Variants in MYO1E observed in about 807,000 individuals in gnomAD.
MYO1E encodes the protein unconventional myosin-Ie.
MYO1E carries 68 observed loss-of-function variants against 151.1 expected under a neutral mutation model. The observed-to-expected ratio is 0.45, with a 90% confidence interval of 0.37 to 0.55. The LOEUF (loss-of-function observed/expected upper bound fraction) is 0.55. Among genes scored for constraint, MYO1E ranks in the 20% least tolerant of loss-of-function variants. The probability of loss-of-function intolerance (pLI) is 0.00; values close to 1 mark genes in which losing one functional copy is unlikely to be tolerated. For synonymous variants in MYO1E, 601 were observed against 501.7 expected, an observed-to-expected ratio of 1.20 and a Z score of -2.64; for missense variants, 1,363 against 1,389.3, an observed-to-expected ratio of 0.98 and a Z score of 0.30.
Position 59,173,934 on chromosome 15 carries a change from T to C in MYO1E, c.2165-19A>G. 1.2e-6 allele frequency: 2 copies of C among 1,613,142 alleles called. No homozygotes were observed. Among genetic ancestry groups the C allele is most frequent in the Non-Finnish European group, 1.7e-6 (2 of 1,179,352 alleles). On this transcript the variant is annotated intron_variant, in intron 20 of 27. Coordinates refer to ENST00000288235, the MANE Select transcript of MYO1E (RefSeq NM_004998.4). ...TCTGAGGCTACAATTCCCAAGAGGG[T>C]CAAGATGGAAGAAGGATAAGTCAGT... is the stretch of plus-strand genomic sequence containing the variant.
chr15:59,148,167 G>A (rs1474242773), intron 26 of MYO1E, among the ~76,000 whole-genome samples: 2 of 152,152 alleles, frequency 1.3e-5, no homozygotes, highest in African/African-American at 4.8e-5. Context: ...CTATTATACA[G>A]GTGAAGACAC....
At chr15:59,311,112 C>A (rs2080548603) in intron 1 of MYO1E, among the ~76,000 whole-genome samples, 1 of 152,128 alleles carries the variant, frequency 6.6e-6, no homozygotes, top group Non-Finnish European at 1.5e-5. Flanking sequence ...TCAAGGCAAC[C>A]ATCCAGGGTG....
chr15:59,240,720 T>C (rs1596380838), intron 4 of MYO1E, among the ~76,000 whole-genome samples: 1 of 152,250 alleles, frequency 6.6e-6, no homozygotes, highest in African/African-American at 2.4e-5. Context: ...CTCCTGGCTC[T>C]GTACCACAGG....
intron 17 of MYO1E, among the ~76,000 whole-genome samples, chr15:59,188,580 C>T (rs974441239): frequency 6.6e-6 from 1 of 152,076 alleles, no homozygotes. Flanking sequence ...CCTGTAGTCC[C>T]AGCTACTCGG....
Position 59,202,088 on chromosome 15 carries a change from A to G in MYO1E, c.1698+238T>C, listed in dbSNP as rs77984895. On this transcript the variant is annotated intron_variant, in intron 16 of 27. Coordinates refer to ENST00000288235, the MANE Select transcript of MYO1E (RefSeq NM_004998.4). ...TCCTCTTAGAAAGTAGCTGATTATC[A>G]TCTGCTGACTATTAAGCTATGAGGT... 0.086 allele frequency among the ~76,000 whole-genome samples: 13,141 copies of G among 152,242 alleles called. 847 individuals carry two copies. Among genetic ancestry groups the G allele is most frequent in the African/African-American group, 0.18 (7,376 of 41,524 alleles).
intron 1 of MYO1E, among the ~76,000 whole-genome samples, chr15:59,355,440 C>T (rs1469927133): frequency 6.6e-6 from 1 of 152,040 alleles, no homozygotes; most frequent in African/African-American, 2.4e-5. Flanking sequence ...TTTCTTTTAC[C>T]CTTCTGTAGA....
At chr15:59,326,782 T>C (rs1173623845) in intron 1 of MYO1E, among the ~76,000 whole-genome samples, 1 of 152,226 alleles carries the variant, frequency 6.6e-6, no homozygotes, top group Non-Finnish European at 1.5e-5. Context: ...GATGTATTCC[T>C]ACATAAATTC....
intron 1 of MYO1E, among the ~76,000 whole-genome samples, chr15:59,297,338 T>A (rs2140401167): frequency 6.6e-6 from 1 of 150,808 alleles, no homozygotes; most frequent in Non-Finnish European, 1.5e-5. Flanking sequence ...GTGGCACGAT[T>A]TCAGCTCACT....
At chr15:59,246,036 T>G (rs2080127822) in intron 4 of MYO1E, among the ~76,000 whole-genome samples, 1 of 152,228 alleles carries the variant, frequency 6.6e-6, no homozygotes, top group Non-Finnish European at 1.5e-5. Context: ...CAGATATGGG[T>G]GGCTCATTTA....
chr15:59,210,492 G>T, intron 13 of MYO1E, 22 bp downstream of exon 13: 1 of 1,472,900 alleles, frequency 6.8e-7, no homozygotes, highest in South Asian at 1.1e-5. Flanking sequence ...GCAGTGAAAA[G>T]ACATACTAAA....
chr15:59,261,403 T>C lies in MYO1E; in HGVS notation c.237+17A>G, dbSNP rs771611192. The C allele has an allele frequency of 1.3e-6, 2 of 1,559,122 alleles. No individual in the cohort carries two copies. The highest frequency in any genetic ancestry group is 1.4e-5 in the African/African-American group (1 of 73,836). On this transcript the variant is annotated intron_variant, in intron 3 of 27. Transcript: ENST00000288235. The stretch of plus-strand genomic sequence containing the variant: ...AAGCCCTAAATAAGGCAGTAATTTA[T>C]GTGACACGTAACTTACCGCTCCTTG...
intron 9 of MYO1E, among the ~76,000 whole-genome samples, chr15:59,218,809 T>C (rs2079935850): frequency 6.6e-6 from 1 of 152,158 alleles, no homozygotes; most frequent in Non-Finnish European, 1.5e-5. Context: ...TGAATACGAT[T>C]TGTGCAGATG....
Position 59,314,921 on chromosome 15 carries a change from A to C in MYO1E, c.4-42472T>G, listed in dbSNP as rs11633049. Among the ~76,000 whole-genome samples, 1,359 of 152,224 alleles carry C rather than the reference A, an allele frequency of 8.9e-3. 18 individuals are homozygous for C. Among genetic ancestry groups the C allele is most frequent in the African/African-American group, 0.03 (1,231 of 41,492 alleles). ...TTGTTACCACAGGCGGGGTGGCAGG[A>C]GGAATGAGGCCTCAAGGTTGCCTGG... is the stretch of plus-strand genomic sequence containing the variant. On this transcript the variant is annotated intron_variant, in intron 1 of 27. Coordinates refer to ENST00000288235, the MANE Select transcript of MYO1E (RefSeq NM_004998.4).
At chr15:59,244,289 A>G (rs981414045) in intron 4 of MYO1E, among the ~76,000 whole-genome samples, 1 of 152,224 alleles carries the variant, frequency 6.6e-6, no homozygotes, top group African/African-American at 2.4e-5. Context: ...GAGGAACCCA[A>G]TGTTGAGTAT....
Position 59,137,401 on chromosome 15 carries a change from G to A in MYO1E, c.3306C>T (p.Asn1102=), listed in dbSNP as rs1367497944. 1.9e-6 allele frequency: 3 copies of A among 1,614,166 alleles called. No homozygotes were observed. The highest frequency in any genetic ancestry group is 1.6e-4 in the Middle Eastern group (1 of 6,062). ...RLRGKQGLFP[N]NYVTKI ...CACCTCAGATCTTGGTCACATAGTT[G>A]TTGGGGAACAGGCCCTGCTTGCCTC... Residue 1102 remains asparagine (N), a synonymous_variant, in exon 28 of 28, where the codon AAC becomes AAT. Transcript: ENST00000288235.
chr15:59,158,336 A>C lies in MYO1E; in HGVS notation c.2829T>G (p.Ser943Arg). ...CTGGGTAGTTGGCATTTTGAGTCCCACTGGAATAACCTGTATTTTGGGTAG... is the reference window on the plus strand; with the variant it reads ...CTGGGTAGTTGGCATTTTGAGTCCCCCTGGAATAACCTGTATTTTGGGTAG... ...RNTTQNTGYSSGTQNANYPVR... is the reference protein window; with the variant it reads ...RNTTQNTGYSRGTQNANYPVR... The change falls in exon 25 of 28, where the codon AGT becomes AGG. Residue 943 changes from serine to arginine, a missense_variant. Transcript: ENST00000288235. The C allele has an allele frequency of 1.3e-6, 2 of 1,576,512 alleles. No homozygotes were observed. The highest frequency in any genetic ancestry group is 2.3e-5 in the South Asian group (2 of 86,236).
intron 6 of MYO1E, among the ~76,000 whole-genome samples, chr15:59,231,240 G>T (rs904916022): frequency 2.6e-5 from 4 of 152,146 alleles, no homozygotes; most frequent in African/African-American, 9.7e-5. Context: ...GGGATGGAGA[G>T]GAGGAAGTTT....
chr15:59,270,542 TAAAAAAAAAAAA>T (rs777284445), intron 2 of MYO1E, among the ~76,000 whole-genome samples: 2 of 104,862 alleles, frequency 1.9e-5, no homozygotes, highest in African/African-American at 3.6e-5. Flanking sequence ...GACCCTGTCT[TAAAAAAAAAAAA>T]AAAAAGAAAA....
chr15:59,162,464 T>C (rs2079543028), intron 23 of MYO1E, among the ~76,000 whole-genome samples: 2 of 151,766 alleles, frequency 1.3e-5, no homozygotes, highest in Non-Finnish European at 2.9e-5. Flanking sequence ...GCCAACATGG[T>C]GAAACCCCGT....
Sources: gnomAD v4.1 joint callset for allele counts (sites outside exome capture counted in the v4.1 genomes callset) on GRCh38, gnomAD v4.1.1 for gene constraint, MANE v1.5 for transcripts, NCBI Gene and HGNC (gene_info 2026-07-23, HGNC 2026-07-21) for gene names.